The following TMEM39A variants were observed in gnomAD, a reference collection of about 807,000 sequenced individuals.
TMEM39A encodes the protein transmembrane protein 39A.
Under a neutral mutation model 51.9 loss-of-function variants are expected in TMEM39A, and 19 were observed. That is an observed-to-expected ratio of 0.37 (90% confidence interval 0.26 to 0.54). The LOEUF is 0.54. Ranked by LOEUF, TMEM39A falls within the 20% of genes least tolerant of loss-of-function variation. The pLI is 0.88. For missense variants in TMEM39A, 433 were observed against 590.5 expected, an observed-to-expected ratio of 0.73 and a Z score of 2.76; for synonymous variants, 197 against 220.2, an observed-to-expected ratio of 0.89 and a Z score of 0.93.
intron 4 of TMEM39A, among the ~76,000 whole-genome samples, chr3:119,448,842 T>C (rs2081161522): frequency 6.6e-6 from 1 of 152,232 alleles, no homozygotes; most frequent in Non-Finnish European, 1.5e-5. Context: ...AATTTTGCCT[T>C]ATTCCAGAGC....
Position 119,431,933 on chromosome 3 carries a change from G to T in TMEM39A, c.*48C>A, listed in dbSNP as rs779001283. 2.5e-6 allele frequency: 3 copies of T among 1,218,222 alleles called. No individual in the cohort carries two copies. The highest frequency in any genetic ancestry group is 3.4e-6 in the Non-Finnish European group (3 of 883,314). 75.5% of individuals were successfully genotyped at this position (1,218,222 alleles called of 1,614,324 possible). ...AAAAATCACAAGAAAAAAATAGAAC[G>T]TATGAAAATATTTTTATCTGAGTTC... On this transcript the variant is annotated 3_prime_UTR_variant, in exon 9 of 9. Coordinates refer to ENST00000319172, the MANE Select transcript of TMEM39A (RefSeq NM_018266.3).
chr3:119,434,781 A>G lies in TMEM39A; in HGVS notation c.1214T>C (p.Val405Ala), dbSNP rs2107658284. Residue 405 changes from valine (V) to alanine (A), a missense_variant, in exon 8 of 9, where the codon GTA becomes GCA. Val to Ala is a moderately conservative substitution (Grantham distance 64, BLOSUM62 0). Coordinates refer to ENST00000319172, the MANE Select transcript of TMEM39A (RefSeq NM_018266.3). ...GPYNVAVPSD[V>A]SHARFYFLFH... The stretch of plus-strand genomic sequence containing the variant: ...ACTTGCATAAAAGCGGGCATGAGAT[A>G]CATCTGAAGGCACTGCCACGTTGTA... The G allele has an allele frequency of 6.2e-7, 1 of 1,613,730 alleles. No individual in the cohort carries two copies. Among genetic ancestry groups the G allele is most frequent in the East Asian group, 2.2e-5 (1 of 44,884 alleles).
chr3:119,443,063 C>CAA (rs56263355), intron 5 of TMEM39A, among the ~76,000 whole-genome samples: 30 of 53,076 alleles, frequency 5.7e-4, no homozygotes, highest in African/African-American at 1.6e-3. Context: ...GACCCTGTCT[C>CAA]AAAAAAAAAA....
chr3:119,437,685 CA>C (rs1018279525), intron 6 of TMEM39A, 69 bp downstream of exon 6: 1 of 1,290,566 alleles, frequency 7.7e-7, no homozygotes, highest in African/African-American at 1.5e-5. Flanking sequence ...GGGGATTAAA[CA>C]AGAAATACCC....
At chr3:119,447,466 G>T (rs971285464) in intron 4 of TMEM39A, among the ~76,000 whole-genome samples, 1 of 151,872 alleles carries the variant, frequency 6.6e-6, no homozygotes, top group Non-Finnish European at 1.5e-5. Flanking sequence ...TATGTTCCAC[G>T]GATCACATTA....
At position 119,436,796 on chromosome 3, in the gene TMEM39A, C is replaced by CT; in HGVS notation, c.1106dup (p.His370AlafsTer23). On this transcript the variant is annotated frameshift_variant, in exon 7 of 9. Coordinates refer to ENST00000319172, the MANE Select transcript of TMEM39A (RefSeq NM_018266.3). LOFTEE classifies it high-confidence loss of function. ...TTACCCTCTAGCTTACTCACATGTG[C>CT]TGTGGAGCATTGCTGTAGGACCCAT... is the stretch of plus-strand genomic sequence containing the variant. 1 of 1,611,928 alleles carries CT rather than the reference C, an allele frequency of 6.2e-7. No individual in the cohort carries two copies. Among genetic ancestry groups the CT allele is most frequent in the Non-Finnish European group, 8.5e-7 (1 of 1,178,672 alleles).
rs757189618 is a variant in TMEM39A at position 119,431,991 on chromosome 3, T to C, written c.1457A>G (p.Lys486Arg). 5 of 1,586,170 alleles carry C rather than the reference T, an allele frequency of 3.2e-6. No homozygotes were observed. The African/African-American group carries it at 6.7e-5, about 21-fold the overall frequency. ...TTGTTGAGAGGCAGCTTAGTTTGCC[T>C]TGAGTTCATAACTGTTGAGTGGGTA... ...YSYPLNSYEL[K>R]AN The change falls in exon 9 of 9, where the codon AAG becomes AGG. Residue 486 changes from lysine (K) to arginine (R), a missense_variant. Lys to Arg is a conservative substitution (Grantham distance 26). Coordinates refer to ENST00000319172, the MANE Select transcript of TMEM39A (RefSeq NM_018266.3).
intron 5 of TMEM39A, chr3:119,446,684 C>G (rs1319866654): frequency 5.5e-6 from 1 of 183,000 alleles, no homozygotes; most frequent in African/African-American, 2.4e-5. Flanking sequence ...GTTTTCGAAC[C>G]AGTGCATTCA....
rs371372293 is a variant in TMEM39A, at chr3:119,434,750, A to G, written c.1233+12T>C. The stretch of plus-strand genomic sequence containing the variant: ...CTAAGCTTATGTTTGAAAATAAATA[A>G]GCGGTACTTGCATAAAAGCGGGCAT... On this transcript the variant is annotated intron_variant, in intron 8 of 8. Coordinates refer to ENST00000319172, the MANE Select transcript of TMEM39A (RefSeq NM_018266.3). The G allele has an allele frequency of 4.0e-5, 64 of 1,613,068 alleles. No homozygotes were observed. The highest frequency in any genetic ancestry group is 5.0e-5 in the Non-Finnish European group (59 of 1,179,362).
At chr3:119,441,746 G>A (rs2081056509) in intron 5 of TMEM39A, among the ~76,000 whole-genome samples, 1 of 152,192 alleles carries the variant, frequency 6.6e-6, no homozygotes, top group African/African-American at 2.4e-5. Context: ...ATACTGTATT[G>A]GAAGAAGATG....
Position 119,431,902 on chromosome 3 carries a change from A to G in TMEM39A, c.*79T>C. 1 of 965,166 alleles carries G rather than the reference A, an allele frequency of 1.0e-6. No individual in the cohort carries two copies. The highest frequency in any genetic ancestry group is 1.5e-6 in the Non-Finnish European group (1 of 673,804). 59.8% of individuals were successfully genotyped at this position (965,166 alleles called of 1,614,324 possible). A position where few individuals can be genotyped will look rare whatever the true frequency, so the allele number is the denominator to read the frequency against. ...ATACAAAATATAAAATATCTTAAAT[A>G]TTTATAAAAATCACAAGAAAAAAAT... On this transcript the variant is annotated 3_prime_UTR_variant, in exon 9 of 9. Coordinates refer to ENST00000319172, the MANE Select transcript of TMEM39A (RefSeq NM_018266.3).
chr3:119,437,750 C>T lies in TMEM39A; in HGVS notation c.924+5G>A, dbSNP rs768359110. On this transcript the variant is annotated splice_donor_5th_base_variant and intron_variant, in intron 6 of 8. Transcript: ENST00000319172. The stretch of plus-strand genomic sequence containing the variant: ...GAAGCACATAAAAGTAAGATAACCA[C>T]TTACCTTCACAAAACACAGGGGGAG... 13 of 1,528,760 alleles carry T rather than the reference C, an allele frequency of 8.5e-6. No homozygotes were observed. In the Admixed American group the frequency reaches 2.6e-4, roughly 31 times the overall value. 94.7% of individuals were successfully genotyped at this position (1,528,760 alleles called of 1,614,324 possible).
At chr3:119,443,087 A>T (rs11709523) in intron 5 of TMEM39A, among the ~76,000 whole-genome samples, 15 of 133,622 alleles carry the variant, frequency 1.1e-4, no homozygotes, top group Admixed American at 3.8e-4. Flanking sequence ...AAAAAAAAAA[A>T]GTGAAGCCTG....
rs1018225112 is a variant in TMEM39A, at chr3:119,449,384, G to A, written c.421-2212C>T. On this transcript the variant is annotated intron_variant, in intron 4 of 8. Transcript: ENST00000319172. ...AGGTCTGGAGTTTGAGACCAACCTG[G>A]CCAACATGGTGAAACCCTGTCTCTA... is the stretch of plus-strand genomic sequence containing the variant. Among the ~76,000 whole-genome samples the A allele has an allele frequency of 2.6e-5, 4 of 152,186 alleles. No individual in the cohort carries two copies. The East Asian group carries it at 7.7e-4, about 29-fold the overall frequency.
At chr3:119,461,594 C>T (rs1169749323) in intron 2 of TMEM39A, among the ~76,000 whole-genome samples, 1 of 152,170 alleles carries the variant, frequency 6.6e-6, no homozygotes, top group African/African-American at 2.4e-5. Flanking sequence ...AATTTAAAAT[C>T]CTTGATGGAA....
At position 119,436,721 on chromosome 3, in the gene TMEM39A, T is replaced by C; in HGVS notation, c.1112+70A>G. On this transcript the variant is annotated intron_variant, in intron 7 of 8. Coordinates refer to ENST00000319172, the MANE Select transcript of TMEM39A (RefSeq NM_018266.3). ...TTCAAAGCCAAGAACAAGAATGACA[T>C]ACAAAGCAAATAAACATGATCAGCA... The C allele has an allele frequency of 2.0e-6, 3 of 1,474,126 alleles. No individual in the cohort carries two copies. In the South Asian group the frequency reaches 3.9e-5, roughly 19 times the overall value. The allele number at this position is 1,474,126 out of a possible 1,614,324, so 91.3% of individuals were successfully genotyped here.
At chr3:119,435,021 C>T (rs2080949664) in intron 7 of TMEM39A, 139 bp from the exon 8 acceptor site, 1 of 1,400,594 alleles carries the variant, frequency 7.1e-7, no homozygotes, top group African/African-American at 1.4e-5. Context: ...ACAGTAATTC[C>T]ATGGTCAAAC....
Position 119,429,001 on chromosome 3 carries a change from T to G in TMEM39A, c.*2980A>C, listed in dbSNP as rs914665397. ...CTTTATTGGGCTTCACACTCAAGAT[T>G]GTTAATAGATCTGATATCTATTACG... On this transcript the variant is annotated 3_prime_UTR_variant, in exon 9 of 9. Coordinates refer to ENST00000319172, the MANE Select transcript of TMEM39A (RefSeq NM_018266.3). 6.6e-6 allele frequency among the ~76,000 whole-genome samples: 1 copy of G among 152,142 alleles called. No individual in the cohort carries two copies. Among genetic ancestry groups the G allele is most frequent in the African/African-American group, 2.4e-5 (1 of 41,452 alleles).
intron 2 of TMEM39A, among the ~76,000 whole-genome samples, chr3:119,458,872 G>T (rs1341181693): frequency 6.6e-6 from 1 of 152,084 alleles, no homozygotes; most frequent in Non-Finnish European, 1.5e-5. Flanking sequence ...TACAGCCTGG[G>T]CAACAAGAGT....
Sources: gnomAD v4.1 joint callset for allele counts (sites outside exome capture counted in the v4.1 genomes callset) on GRCh38, gnomAD v4.1.1 for gene constraint, MANE v1.5 for transcripts, NCBI Gene and HGNC (gene_info 2026-07-23, HGNC 2026-07-21) for gene names.